GRIP1: variants seen among roughly 807,000 people sequenced by gnomAD.
GRIP1 encodes the protein glutamate receptor interacting protein 1.
In GRIP1, 45 loss-of-function variants were observed where a neutral mutation model predicts 129.9. The ratio of observed to expected loss-of-function variants is 0.35; its 90% CI spans 0.27 to 0.44. The LOEUF (loss-of-function observed/expected upper bound fraction) is 0.44. Ranked by LOEUF, GRIP1 falls within the 20% of genes least tolerant of loss-of-function variation. The pLI, the probability that GRIP1 is intolerant of heterozygous loss-of-function variation, is 1.00. For synonymous variants in GRIP1, 530 were observed against 520.8 expected, an observed-to-expected ratio of 1.02 and a Z score of -0.24; for missense variants, 1,196 against 1,396.8, an observed-to-expected ratio of 0.86 and a Z score of 2.29.
intron 1 of GRIP1, among the ~76,000 whole-genome samples, chr12:66,631,851 T>C (rs1010737796): frequency 6.6e-6 from 1 of 152,236 alleles, no homozygotes; most frequent in Non-Finnish European, 1.5e-5. Context: ...ACACTGAATA[T>C]GTGCCAAGGA....
At chr12:66,449,562 T>A (rs1234712536) in intron 11 of GRIP1, among the ~76,000 whole-genome samples, 1 of 152,162 alleles carries the variant, frequency 6.6e-6, no homozygotes, top group Non-Finnish European at 1.5e-5. Flanking sequence ...TTCTTACAGG[T>A]GGAAGCTTGC....
chr12:66,723,993 AG>A (rs1379905325), intron 1 of GRIP1, among the ~76,000 whole-genome samples: 1 of 152,218 alleles, frequency 6.6e-6, no homozygotes, highest in African/African-American at 2.4e-5. Context: ...AGGTTAGGAA[AG>A]CATCATGCCC....
At chr12:66,737,880 G>T (rs967186748) in intron 1 of GRIP1, among the ~76,000 whole-genome samples, 2 of 152,214 alleles carry the variant, frequency 1.3e-5, no homozygotes, top group African/African-American at 4.8e-5. Flanking sequence ...GCAGACATTA[G>T]ACAGGTGATT....
chr12:66,857,346 T>TA (rs1479703157), intron 1 of GRIP1, among the ~76,000 whole-genome samples: 1 of 151,906 alleles, frequency 6.6e-6, no homozygotes, highest in African/African-American at 2.4e-5. Context: ...ATAATAATAA[T>TA]AAAAAAGTGA....
intron 7 of GRIP1, among the ~76,000 whole-genome samples, chr12:66,490,096 C>T (rs1393404457): frequency 1.3e-5 from 2 of 152,118 alleles, no homozygotes; most frequent in Non-Finnish European, 2.9e-5. Flanking sequence ...ATTAAACTAC[C>T]ATCGACATCC....
chr12:66,597,313 C>A (rs1352187115), intron 1 of GRIP1, among the ~76,000 whole-genome samples: 2 of 151,986 alleles, frequency 1.3e-5, no homozygotes, highest in East Asian at 3.9e-4. Context: ...TAAAATGGTT[C>A]AATGGGCACT....
In GRIP1 at chr12:66,347,732, T is replaced by A. The variant is rs544816589; in HGVS notation, c.*1287A>T. 1.6e-4 allele frequency: 23 copies of A among 147,530 alleles called. No individual in the cohort carries two copies. The Admixed American group carries it at 1.6e-3, about 10-fold the overall frequency. The allele number at this position is 147,530 out of a possible 1,614,324, so 9.1% of individuals were successfully genotyped here. Reference sequence around the variant, plus strand: ...GTTCTGAAATGTGATTGAAATAATATTTTTTTTGCACAAAAAGAAAGGTGA... The same window carrying A: ...GTTCTGAAATGTGATTGAAATAATAATTTTTTTGCACAAAAAGAAAGGTGA... On this transcript the variant is annotated 3_prime_UTR_variant, in exon 25 of 25. Coordinates refer to ENST00000359742, the MANE Select transcript of GRIP1 (RefSeq NM_001366722.1).
rs575936329 is a variant in GRIP1, at chr12:66,368,945, C to T, written c.3012+2749G>A. 5.3e-5 allele frequency among the ~76,000 whole-genome samples: 8 copies of T among 152,288 alleles called. No homozygotes were observed. In the South Asian group the frequency reaches 8.3e-4, roughly 16 times the overall value. On this transcript the variant is annotated intron_variant, in intron 23 of 24. Coordinates refer to ENST00000359742, the MANE Select transcript of GRIP1 (RefSeq NM_001366722.1). ...AGTAAGTGAATTCCTTAAAAAAGAACAGACACCCAAGATGCGAGCATAAAT... is the reference window on the plus strand; with the variant it reads ...AGTAAGTGAATTCCTTAAAAAAGAATAGACACCCAAGATGCGAGCATAAAT...
rs1236135616 is a variant in GRIP1 at position 66,678,993 on chromosome 12, C to A, written c.-89G>T. ...CAGCAGCATATGAATTCCTTGCGCACATACCAGGAGAAAGGTAGTCCCAGT... is the reference window on the plus strand; with the variant it reads ...CAGCAGCATATGAATTCCTTGCGCAAATACCAGGAGAAAGGTAGTCCCAGT... On this transcript the variant is annotated 5_prime_UTR_variant, in exon 1 of 25. The change abolishes an upstream ATG in the 5' untranslated region. Transcript: ENST00000359742. 3 of 1,602,992 alleles carry A rather than the reference C, an allele frequency of 1.9e-6. No homozygotes were observed. The East Asian group carries it at 6.8e-5, about 36-fold the overall frequency.
At chr12:66,898,076 A>G (rs2062861) in intron 1 of GRIP1, among the ~76,000 whole-genome samples, 26,627 of 152,132 alleles carry the variant, frequency 0.18, 3,710 homozygotes, top group African/African-American at 0.38. Context: ...GCGTGTCCAA[A>G]TACTATGTTC....
intron 1 of GRIP1, among the ~76,000 whole-genome samples, chr12:66,964,822 T>C (rs1312471210): frequency 6.6e-6 from 1 of 152,118 alleles, no homozygotes; most frequent in Admixed American, 6.6e-5. Context: ...GATCAAGGGA[T>C]TGGCAGGCAG....
At chr12:66,773,413 T>C (rs767047023) in intron 1 of GRIP1, among the ~76,000 whole-genome samples, 45 of 152,292 alleles carry the variant, frequency 3.0e-4, no homozygotes, top group Non-Finnish European at 5.3e-4. Flanking sequence ...ATTGCCACAC[T>C]GTGTGAAGCT....
chr12:66,581,847 T>C (rs1229164189), intron 2 of GRIP1, among the ~76,000 whole-genome samples: 2 of 152,088 alleles, frequency 1.3e-5, no homozygotes, highest in South Asian at 2.1e-4. Context: ...CTGGTACTAT[T>C]CCTTCTGAAA....
At chr12:66,913,216 T>C (rs1253416007) in intron 1 of GRIP1, among the ~76,000 whole-genome samples, 1 of 152,196 alleles carries the variant, frequency 6.6e-6, no homozygotes, top group Admixed American at 6.5e-5. Flanking sequence ...ACTCCAAAAC[T>C]TCTCAAAGCT....
At chr12:66,369,340 CTTTTTTTTTTT>C (rs758593628) in intron 23 of GRIP1, among the ~76,000 whole-genome samples, 22,335 of 106,866 alleles carry the variant, frequency 0.21, 2,189 homozygotes, top group Non-Finnish European at 0.27. Context: ...TTAACAAGAT[CTTTTTTTTTTT>C]TTTTTTTTTT....
chr12:66,546,974 T>C (rs2061968178), intron 2 of GRIP1, among the ~76,000 whole-genome samples: 1 of 152,052 alleles, frequency 6.6e-6, no homozygotes, highest in South Asian at 2.1e-4. Context: ...AAAGAACATC[T>C]ACAGACCAGG....
chr12:66,968,519 ATTTCT>A (rs540768519), intron 1 of GRIP1, among the ~76,000 whole-genome samples: 7 of 151,848 alleles, frequency 4.6e-5, no homozygotes, highest in Non-Finnish European at 8.8e-5. Flanking sequence ...TCTCAATTAT[ATTTCT>A]TTTAACTTTT....
intron 7 of GRIP1, among the ~76,000 whole-genome samples, chr12:66,465,843 T>A (rs2059271981): frequency 6.6e-6 from 1 of 150,886 alleles, no homozygotes; most frequent in South Asian, 2.1e-4. Context: ...AATGAATGGA[T>A]GAAAGGATGG....
intron 1 of GRIP1, among the ~76,000 whole-genome samples, chr12:66,856,457 T>C (rs2040006644): frequency 1.3e-5 from 2 of 152,012 alleles, no homozygotes; most frequent in African/African-American, 4.8e-5. Context: ...GGGAGAAAAT[T>C]TTTGCAATCT....
Sources: allele counts gnomAD v4.1 joint callset (sites outside exome capture counted in the v4.1 genomes callset), GRCh38; gene constraint gnomAD v4.1.1; transcripts MANE v1.5; gene names NCBI Gene and HGNC (gene_info 2026-07-23, HGNC 2026-07-21).